Variants in DGKB observed in about 807,000 individuals in gnomAD.
DGKB encodes the protein diacylglycerol kinase beta, also known as 90 kDa diacylglycerol kinase.
Under a neutral mutation model 114.3 loss-of-function variants are expected in DGKB, and 67 were observed. The ratio of observed to expected loss-of-function variants is 0.59; its 90% CI spans 0.48 to 0.72. The LOEUF (loss-of-function observed/expected upper bound fraction) is 0.72. DGKB is among the 30% of genes least tolerant of loss of function. The pLI is 0.00. For synonymous variants in DGKB, 398 were observed against 323.1 expected, an observed-to-expected ratio of 1.23 and a Z score of -2.49; for missense variants, 907 against 975.2, an observed-to-expected ratio of 0.93 and a Z score of 0.93.
At chr7:14,881,129 A>G (rs1854165071) in intron 1 of DGKB, among the ~76,000 whole-genome samples, 1 of 152,200 alleles carries the variant, frequency 6.6e-6, no homozygotes, top group African/African-American at 2.4e-5. Flanking sequence ...CCATTGCCAG[A>G]CTAGATGCTA....
chr7:14,886,949 C>A (rs1324241058), intron 1 of DGKB, among the ~76,000 whole-genome samples: 1 of 151,916 alleles, frequency 6.6e-6, no homozygotes, highest in Non-Finnish European at 1.5e-5. Flanking sequence ...GCAATAAAGC[C>A]TTTTTACATG....
At chr7:14,541,794 G>A (rs182666380) in intron 20 of DGKB, among the ~76,000 whole-genome samples, 132 of 152,226 alleles carry the variant, frequency 8.7e-4, no homozygotes, top group African/African-American at 3.1e-3. Context: ...CCAATTTGAC[G>A]TCAGTAAGTC....
chr7:14,384,206 T>C (rs1441099612), intron 21 of DGKB, among the ~76,000 whole-genome samples: 1 of 152,246 alleles, frequency 6.6e-6, no homozygotes, highest in Admixed American at 6.5e-5. Context: ...GGTTTAATGA[T>C]TGGTTAGTTA....
chr7:14,635,437 A>G (rs931197856), intron 13 of DGKB, among the ~76,000 whole-genome samples: 3 of 151,324 alleles, frequency 2.0e-5, no homozygotes, highest in African/African-American at 7.3e-5. Flanking sequence ...GGAAGCTCTT[A>G]GAAGAAAGAA....
intron 21 of DGKB, among the ~76,000 whole-genome samples, chr7:14,394,047 A>T (rs898099448): frequency 2.6e-5 from 4 of 152,168 alleles, no homozygotes; most frequent in Non-Finnish European, 4.4e-5. Flanking sequence ...GCACAAAATT[A>T]TCCTTTTGTC....
At chr7:14,588,163 T>C (rs543179456) in intron 17 of DGKB, among the ~76,000 whole-genome samples, 1 of 152,302 alleles carries the variant, frequency 6.6e-6, no homozygotes, top group East Asian at 1.9e-4. Context: ...TTTCTTATTT[T>C]TGTGAAATGC....
At chr7:14,271,733 C>G (rs1156989818) in intron 23 of DGKB, among the ~76,000 whole-genome samples, 1 of 152,142 alleles carries the variant, frequency 6.6e-6, no homozygotes, top group African/African-American at 2.4e-5. Context: ...AACACAAAAG[C>G]TTTTAGTTGG....
At chr7:14,202,029 G>A (rs938499063) in intron 23 of DGKB, among the ~76,000 whole-genome samples, 6 of 151,844 alleles carry the variant, frequency 4.0e-5, no homozygotes, top group Non-Finnish European at 8.8e-5. Context: ...CAAAATAATT[G>A]CTCATGATTT....
chr7:14,511,566 T>C (rs1000909589), intron 20 of DGKB, among the ~76,000 whole-genome samples: 1 of 152,238 alleles, frequency 6.6e-6, no homozygotes, highest in African/African-American at 2.4e-5. Flanking sequence ...GTAATAAGGC[T>C]GTTTCACTTT....
chr7:14,453,135 A>G (rs1220495865), intron 21 of DGKB, among the ~76,000 whole-genome samples: 6 of 152,112 alleles, frequency 3.9e-5, no homozygotes. Flanking sequence ...TTTGTACTCT[A>G]TGGAGTAAGA....
chr7:14,460,449 G>T (rs917759642), intron 21 of DGKB, among the ~76,000 whole-genome samples: 1 of 151,474 alleles, frequency 6.6e-6, no homozygotes, highest in Non-Finnish European at 1.5e-5. Flanking sequence ...ACCAGGGATT[G>T]CAATCCTAGT....
chr7:14,881,090 G>A (rs1280675134), intron 1 of DGKB, among the ~76,000 whole-genome samples: 1 of 152,046 alleles, frequency 6.6e-6, no homozygotes, highest in African/African-American at 2.4e-5. Flanking sequence ...ACAGAGTTAT[G>A]ACAATTTATA....
chr7:14,268,125 C>G (rs950005699), intron 23 of DGKB, among the ~76,000 whole-genome samples: 10 of 152,156 alleles, frequency 6.6e-5, no homozygotes, highest in African/African-American at 2.4e-4. Flanking sequence ...GCTCACTGAT[C>G]TAACCACTAT....
chr7:14,158,419 G>C (rs1783364578), intron 25 of DGKB, among the ~76,000 whole-genome samples: 1 of 152,144 alleles, frequency 6.6e-6, no homozygotes, highest in African/African-American at 2.4e-5. Flanking sequence ...CTAACCATCA[G>C]AGAGCATAAT....
chr7:14,788,149 G>C (rs183079412), intron 2 of DGKB, among the ~76,000 whole-genome samples: 4 of 152,312 alleles, frequency 2.6e-5, no homozygotes, highest in African/African-American at 9.6e-5. Context: ...GCTATTGAAG[G>C]ATGGGCACAA....
intron 21 of DGKB, among the ~76,000 whole-genome samples, chr7:14,398,322 A>G (rs1454447505): frequency 6.6e-6 from 1 of 152,090 alleles, no homozygotes; most frequent in Non-Finnish European, 1.5e-5. Context: ...TGTCCTTGTG[A>G]ATACAAAATG....
intron 13 of DGKB, among the ~76,000 whole-genome samples, chr7:14,643,739 G>T (rs1812315726): frequency 6.6e-6 from 1 of 152,118 alleles, no homozygotes; most frequent in Non-Finnish European, 1.5e-5. Context: ...TCCCCCTCTA[G>T]CAGTGGGGCC....
intron 13 of DGKB, among the ~76,000 whole-genome samples, chr7:14,666,909 C>A (rs1184592107): frequency 6.6e-6 from 1 of 151,810 alleles, no homozygotes; most frequent in Non-Finnish European, 1.5e-5. Flanking sequence ...CCAATTGCAA[C>A]CTCAGAAAAC....
chr7:14,890,091 A>G (rs949268393), intron 1 of DGKB, among the ~76,000 whole-genome samples: 3 of 151,552 alleles, frequency 2.0e-5, no homozygotes, highest in African/African-American at 7.3e-5. Context: ...CATTCCATAC[A>G]GTTTTCATTA....
Sources: gnomAD v4.1 joint callset for allele counts (sites outside exome capture counted in the v4.1 genomes callset) on GRCh38, gnomAD v4.1.1 for gene constraint, MANE v1.5 for transcripts, NCBI Gene and HGNC (gene_info 2026-07-23, HGNC 2026-07-21) for gene names.